Variants in LHFPL3 observed in about 807,000 individuals in gnomAD.
LHFPL3 encodes LHFPL tetraspan subfamily member 3 protein.
LHFPL3 carries 5 observed loss-of-function variants against 19.3 expected under a neutral mutation model. The ratio of observed to expected loss-of-function variants is 0.26; its 90% CI spans 0.14 to 0.54. LHFPL3 has a LOEUF of 0.54. LHFPL3 is among the 20% of genes least tolerant of loss of function. LHFPL3 has a pLI of 0.94. For synonymous variants in LHFPL3, 133 were observed against 126.2 expected, an observed-to-expected ratio of 1.05 and a Z score of -0.36; for missense variants, 249 against 307.4, an observed-to-expected ratio of 0.81 and a Z score of 1.42.
intron 2 of LHFPL3, chr7:104,802,939 C>T (rs1790284566): frequency 6.6e-6 from 1 of 152,324 alleles, no homozygotes; most frequent in Non-Finnish European, 1.5e-5. Context: ...TGATGCTCTC[C>T]AGCTTCAAAA....
intron 2 of LHFPL3, among the ~76,000 whole-genome samples, chr7:104,830,646 C>T (rs936159071): frequency 6.6e-6 from 1 of 151,990 alleles, no homozygotes; most frequent in African/African-American, 2.4e-5. Context: ...TGGTTGTAGA[C>T]AAGTGGCATT....
intron 1 of LHFPL3, among the ~76,000 whole-genome samples, chr7:104,596,413 G>A (rs773562152): frequency 1.3e-5 from 2 of 152,266 alleles, no homozygotes; most frequent in Middle Eastern, 3.4e-3. Flanking sequence ...TCTTCCATTT[G>A]TGAAGATGTG....
intron 1 of LHFPL3, among the ~76,000 whole-genome samples, chr7:104,335,233 A>C (rs1351287837): frequency 2.0e-5 from 3 of 152,220 alleles, no homozygotes; most frequent in Admixed American, 2.0e-4. Flanking sequence ...CTGCTTATGC[A>C]TCCTGAGTTC....
intron 1 of LHFPL3, among the ~76,000 whole-genome samples, chr7:104,486,290 T>C (rs1293394976): frequency 2.6e-5 from 4 of 152,242 alleles, no homozygotes; most frequent in African/African-American, 9.6e-5. Flanking sequence ...TTATCATTTC[T>C]CATTTTACTC....
chr7:104,777,461 C>T (rs1470023840), intron 2 of LHFPL3, among the ~76,000 whole-genome samples: 1 of 152,248 alleles, frequency 6.6e-6, no homozygotes, highest in Non-Finnish European at 1.5e-5. Context: ...GGGTACCCAG[C>T]TCTCAGGCAA....
At chr7:104,490,875 T>C (rs1466660810) in intron 1 of LHFPL3, among the ~76,000 whole-genome samples, 2 of 152,202 alleles carry the variant, frequency 1.3e-5, no homozygotes, top group Non-Finnish European at 2.9e-5. Context: ...CACCTCTTTT[T>C]TTCGTAAAGC....
At chr7:104,366,323 G>A (rs1377675939) in intron 1 of LHFPL3, among the ~76,000 whole-genome samples, 1 of 152,174 alleles carries the variant, frequency 6.6e-6, no homozygotes, top group Non-Finnish European at 1.5e-5. Context: ...CAGAGTGCTG[G>A]ATTGTGAGTT....
intron 2 of LHFPL3, among the ~76,000 whole-genome samples, chr7:104,893,810 G>C (rs562310266): frequency 6.6e-6 from 1 of 151,926 alleles, no homozygotes; most frequent in Non-Finnish European, 1.5e-5. Flanking sequence ...AAATTAGCCA[G>C]GCATGGTGGC....
At chr7:104,522,097 CT>C (rs1794076814) in intron 1 of LHFPL3, among the ~76,000 whole-genome samples, 1 of 151,986 alleles carries the variant, frequency 6.6e-6, no homozygotes. Flanking sequence ...CGTATGTTTA[CT>C]GAGGCATTAT....
intron 1 of LHFPL3, among the ~76,000 whole-genome samples, chr7:104,332,784 A>C (rs1424316362): frequency 2.6e-5 from 4 of 152,160 alleles, no homozygotes; most frequent in Admixed American, 1.3e-4. Flanking sequence ...ACTAGGAAGC[A>C]CAGAATTAGG....
intron 2 of LHFPL3, among the ~76,000 whole-genome samples, chr7:104,825,039 A>G (rs1057391580): frequency 1.3e-5 from 2 of 150,290 alleles, no homozygotes; most frequent in African/African-American, 4.9e-5. Context: ...TAGATTATCC[A>G]TTTCCAACAG....
rs1792399534 is a variant in LHFPL3, at chr7:104,668,304, C to T, written c.446-68371C>T. 4.4e-6 allele frequency: 7 copies of T among 1,604,950 alleles called. No individual in the cohort carries two copies. The South Asian group carries it at 7.7e-5, about 18-fold the overall frequency. Reference sequence around the variant, plus strand: ...AGACAGGGATGATCCTCCTTTTGGCCGTGATAGAAATCGGGATTCTGACAA... The same window carrying T: ...AGACAGGGATGATCCTCCTTTTGGCTGTGATAGAAATCGGGATTCTGACAA... On this transcript the variant is annotated intron_variant, in intron 1 of 2. Coordinates refer to ENST00000424859, the MANE Select transcript of LHFPL3 (RefSeq NM_199000.3).
chr7:104,601,265 G>C (rs934413077), intron 1 of LHFPL3, among the ~76,000 whole-genome samples: 8 of 151,938 alleles, frequency 5.3e-5, no homozygotes, highest in Non-Finnish European at 8.8e-5. Flanking sequence ...GTTTAAATTA[G>C]CACTCTTCCC....
At chr7:104,701,098 C>T (rs910110603) in intron 1 of LHFPL3, among the ~76,000 whole-genome samples, 2 of 152,132 alleles carry the variant, frequency 1.3e-5, no homozygotes, top group African/African-American at 4.8e-5. Flanking sequence ...TGCCCTCTCG[C>T]TTGATGGATA....
intron 2 of LHFPL3, among the ~76,000 whole-genome samples, chr7:104,813,625 G>A (rs1039988378): frequency 1.3e-5 from 2 of 152,186 alleles, no homozygotes; most frequent in African/African-American, 2.4e-5. Flanking sequence ...TCCAGCCACT[G>A]TGCACAGTCA....
chr7:104,801,634 G>T (rs146879844), intron 2 of LHFPL3, among the ~76,000 whole-genome samples: 7,077 of 152,168 alleles, frequency 0.047, 278 homozygotes, highest in South Asian at 0.087. Context: ...GCAGTGGCGC[G>T]ATCTCTGCTC....
intron 1 of LHFPL3, among the ~76,000 whole-genome samples, chr7:104,584,932 T>C (rs76881836): frequency 1.9e-3 from 288 of 152,156 alleles, no homozygotes; most frequent in Non-Finnish European, 3.3e-3. Context: ...GCATCTGGAG[T>C]TATGATTTTT....
intron 1 of LHFPL3, among the ~76,000 whole-genome samples, chr7:104,643,934 A>G (rs1174841609): frequency 6.6e-6 from 1 of 152,148 alleles, no homozygotes; most frequent in African/African-American, 2.4e-5. Context: ...AAACCCTGAG[A>G]AATCTATTGG....
In LHFPL3 at chr7:104,413,302, G is replaced by A. The variant is rs185680206; in HGVS notation, c.445+84078G>A. Among the ~76,000 whole-genome samples the A allele has an allele frequency of 2.2e-3, 340 of 152,202 alleles. 4 individuals are homozygous for A. The highest frequency in any genetic ancestry group is 4.1e-3 in the Non-Finnish European group (278 of 68,014). Reference sequence around the variant, plus strand: ...CATGACATAGATATGCCATTCTCACGGTGTCTGTTTTTGCCCAAGTTGTTC... The same window carrying A: ...CATGACATAGATATGCCATTCTCACAGTGTCTGTTTTTGCCCAAGTTGTTC... On this transcript the variant is annotated intron_variant, in intron 1 of 2. Coordinates refer to ENST00000424859, the MANE Select transcript of LHFPL3 (RefSeq NM_199000.3).
Sources: gnomAD v4.1 joint callset for allele counts (sites outside exome capture counted in the v4.1 genomes callset) on GRCh38, gnomAD v4.1.1 for gene constraint, MANE v1.5 for transcripts, NCBI Gene and HGNC (gene_info 2026-07-23, HGNC 2026-07-21) for gene names.